Variants in CAPN7 observed in about 807,000 individuals in gnomAD.
CAPN7 encodes calpain 7, also known as calpain-7.
A neutral mutation model predicts 115.2 loss-of-function variants in CAPN7; 72 were observed. The observed-to-expected ratio is 0.63, with a 90% CI of 0.52 to 0.76. The LOEUF (loss-of-function observed/expected upper bound fraction) is 0.76. Ranked by LOEUF, CAPN7 falls within the 30% of genes least tolerant of loss-of-function variation. The probability of loss-of-function intolerance (pLI) is 0.00; values close to 1 mark genes in which losing one functional copy is unlikely to be tolerated. For synonymous variants in CAPN7, 344 were observed against 322.3 expected (o/e 1.07, Z -0.72); for missense variants, 905 against 971.5 (o/e 0.93, Z 0.91).
chr3:15,228,030 T>C, intron 7 of CAPN7, 65 bp downstream of exon 7: 1 of 1,263,992 alleles, frequency 7.9e-7, no homozygotes, highest in Non-Finnish European at 1.0e-6. Flanking sequence ...GTGTATAGAT[T>C]TGAGTTTTTT....
At chr3:15,226,848 ATT>A (rs1276952260) in intron 6 of CAPN7, among the ~76,000 whole-genome samples, 1 of 151,854 alleles carries the variant, frequency 6.6e-6, no homozygotes, top group Non-Finnish European at 1.5e-5. Flanking sequence ...ATCTGTCAGC[ATT>A]CTTTGAAAAA....
intron 5 of CAPN7, 81 bp from the exon 6 acceptor site, chr3:15,223,394 C>A: frequency 1.2e-6 from 1 of 857,050 alleles, no homozygotes; most frequent in Non-Finnish European, 2.0e-6. Flanking sequence ...CATACCTTGT[C>A]ATTTAAATTT....
rs1360134077 is a variant in CAPN7, at chr3:15,251,959, A to T, written c.*699A>T. On this transcript the variant is annotated 3_prime_UTR_variant, in exon 21 of 21. Coordinates refer to ENST00000253693, the MANE Select transcript of CAPN7 (RefSeq NM_014296.3). ...ATTCACTACTGCAGTTTTTATTTTT[A>T]AAAAACAGTAATTGAGATATTGAAG... 4 of 152,272 alleles carry T rather than the reference A, an allele frequency of 2.6e-5. No homozygotes were observed. Among genetic ancestry groups the T allele is most frequent in the African/African-American group, 4.8e-5 (2 of 41,448 alleles). 9.4% of individuals were successfully genotyped at this position (152,272 alleles called of 1,614,324 possible).
chr3:15,248,577 C>T (rs940483448), intron 19 of CAPN7, among the ~76,000 whole-genome samples: 2 of 152,158 alleles, frequency 1.3e-5, no homozygotes, highest in Non-Finnish European at 2.9e-5. Flanking sequence ...TTCTGTGGTG[C>T]TGAGAGGATT....
chr3:15,250,671 CA>C (rs974242582), intron 19 of CAPN7, among the ~76,000 whole-genome samples: 1 of 151,586 alleles, frequency 6.6e-6, no homozygotes, highest in Non-Finnish European at 1.5e-5. Context: ...GACTCTGTCT[CA>C]AAAAAAATAA....
At chr3:15,234,045 G>A (rs766747879) in intron 11 of CAPN7, 72 bp downstream of exon 11, 12 of 831,074 alleles carry the variant, frequency 1.4e-5, no homozygotes, top group Non-Finnish European at 2.2e-5. Flanking sequence ...GCTGGGCGTG[G>A]TGGGTCATGC....
Position 15,226,161 on chromosome 3 carries a change from C to T in CAPN7, c.726-1678C>T, listed in dbSNP as rs570026162. ...TGCGATCTCAGCTCACTGCAACCTC[C>T]GTCTCCCAGATTCAAGAGATTCTTC... On this transcript the variant is annotated intron_variant, in intron 6 of 20. Transcript: ENST00000253693. Among the ~76,000 whole-genome samples the T allele has an allele frequency of 3.7e-3, 559 of 152,150 alleles. 2 individuals carry two copies. Among genetic ancestry groups the T allele is most frequent in the Non-Finnish European group, 4.9e-3 (331 of 67,990 alleles).
At chr3:15,236,975 AT>A (rs1226071847) in intron 12 of CAPN7, among the ~76,000 whole-genome samples, 1 of 152,056 alleles carries the variant, frequency 6.6e-6, no homozygotes, top group South Asian at 2.1e-4. Context: ...TTATAAAAAT[AT>A]TTTTTTCTTC....
In CAPN7 at chr3:15,233,121, C is replaced by G. The variant is rs62242095; in HGVS notation, c.1179+456C>G. ...AGATTGGCATGACTTTAAATTCTTA[C>G]AATAACCAGCCTGTGGCCTTAGAAA... is the stretch of plus-strand genomic sequence containing the variant. On this transcript the variant is annotated intron_variant, in intron 10 of 20. Transcript: ENST00000253693. 4.0e-3 allele frequency among the ~76,000 whole-genome samples: 607 copies of G among 152,280 alleles called. 2 individuals carry two copies. The highest frequency in any genetic ancestry group is 7.0e-3 in the Non-Finnish European group (474 of 68,002).
rs1694291549 is a variant in CAPN7 at position 15,226,014 on chromosome 3, CGTGT to C, written c.726-1824_726-1821del. Among the ~76,000 whole-genome samples the C allele has an allele frequency of 2.6e-5, 4 of 151,896 alleles. No individual in the cohort carries two copies. The South Asian group carries it at 8.3e-4, about 32-fold the overall frequency. On this transcript the variant is annotated intron_variant, in intron 6 of 20. Transcript: ENST00000253693. Reference sequence around the variant, plus strand: ...TTTTTTAAAATTGTTTCTATTCGGTCGTGTATTACTTTTAAAATAATAAAATAAG... The same window carrying C: ...TTTTTTAAAATTGTTTCTATTCGGTCATTACTTTTAAAATAATAAAATAAG...
At chr3:15,210,895 T>G in intron 1 of CAPN7, 1 of 1,280,836 alleles carries the variant, frequency 7.8e-7, no homozygotes, top group Non-Finnish European at 1.0e-6. Context: ...ACCCATGAAG[T>G]GTACACGCTT....
intron 1 of CAPN7, among the ~76,000 whole-genome samples, chr3:15,209,965 G>A (rs1418502243): frequency 6.6e-6 from 1 of 152,142 alleles, no homozygotes; most frequent in Non-Finnish European, 1.5e-5. Context: ...AATGAAATGA[G>A]TAAAATAAAA....
intron 13 of CAPN7, 57 bp from the exon 14 acceptor site, chr3:15,240,697 G>T (rs1206426787): frequency 4.5e-6 from 7 of 1,548,510 alleles, no homozygotes; most frequent in South Asian, 3.5e-5. Flanking sequence ...ATGTGTAACT[G>T]ACTTAAATCA....
At chr3:15,207,067 A>G (rs2044671042) in intron 1 of CAPN7, among the ~76,000 whole-genome samples, 2 of 152,192 alleles carry the variant, frequency 1.3e-5, no homozygotes, top group African/African-American at 2.4e-5. Context: ...TTTTCTGAGA[A>G]ATGTGTTCTT....
At chr3:15,212,251 C>T (rs911723949) in intron 2 of CAPN7, 39 bp downstream of exon 2, 2 of 1,151,072 alleles carry the variant, frequency 1.7e-6, no homozygotes, top group African/African-American at 3.1e-5. Flanking sequence ...TCTATTTTTT[C>T]TTTTCTCCCA....
intron 5 of CAPN7, among the ~76,000 whole-genome samples, chr3:15,222,478 G>A (rs1023695230): frequency 3.9e-5 from 6 of 152,144 alleles, no homozygotes; most frequent in African/African-American, 1.4e-4. Context: ...AGCTGAAAGG[G>A]CTTCTGCCTA....
Position 15,245,686 on chromosome 3 carries a change from C to T in CAPN7, c.2010+15C>T. 6.2e-7 allele frequency: 1 copy of T among 1,607,766 alleles called. No individual in the cohort carries two copies. The highest frequency in any genetic ancestry group is 2.2e-5 in the East Asian group (1 of 44,566). ...ACACGGTTCGGGTAAGTAAAACCAA[C>T]ACACAATGACAAAACACAGTAATAT... On this transcript the variant is annotated intron_variant, in intron 17 of 20. Transcript: ENST00000253693.
intron 6 of CAPN7, 97 bp from the exon 7 acceptor site, chr3:15,227,742 C>A: frequency 1.4e-6 from 1 of 720,742 alleles, no homozygotes; most frequent in South Asian, 3.5e-5. Flanking sequence ...CTGCTATAAT[C>A]ACTAGACCAA....
chr3:15,250,798 T>C (rs1025784613), intron 19 of CAPN7, 133 bp from the exon 20 acceptor site: 5 of 627,944 alleles, frequency 8.0e-6, no homozygotes, highest in African/African-American at 5.7e-5. Flanking sequence ...TGATCAAAAA[T>C]AGAGTGTGTA....
Sources: gnomAD v4.1 joint callset for allele counts (sites outside exome capture counted in the v4.1 genomes callset) on GRCh38, gnomAD v4.1.1 for gene constraint, MANE v1.5 for transcripts, NCBI Gene and HGNC (gene_info 2026-07-23, HGNC 2026-07-21) for gene names.